Variants in MB21D2 observed in about 807,000 individuals in gnomAD.
MB21D2 encodes Mab-21 domain containing 2.
Under a neutral mutation model 33.3 loss-of-function variants are expected in MB21D2, and 9 were observed. The observed-to-expected ratio is 0.27, with a 90% CI of 0.16 to 0.47. The LOEUF is 0.47. Among genes scored for constraint, MB21D2 ranks in the 20% least tolerant of loss-of-function variants. The pLI is 0.99. For missense variants in MB21D2, 540 were observed against 624.6 expected (o/e 0.86, Z 1.44); for synonymous variants, 241 against 236.3 (o/e 1.02, Z -0.18).
intron 1 of MB21D2, among the ~76,000 whole-genome samples, chr3:192,828,633 TATATATATATATATATATATATATATATA>T (rs1712241002): frequency 1.1e-4 from 4 of 37,114 alleles, no homozygotes; most frequent in Admixed American, 5.0e-4. Context: ...TATATATATA[TATATATATATATATATATATATATATATA>T]TTTTGAGACG....
chr3:192,899,116 T>C (rs184559246), intron 1 of MB21D2, among the ~76,000 whole-genome samples: 2 of 152,322 alleles, frequency 1.3e-5, no homozygotes, highest in Admixed American at 6.5e-5. Flanking sequence ...GTACCTCACA[T>C]GGTGCCTATC....
At chr3:192,839,438 T>TA (rs1367891885) in intron 1 of MB21D2, among the ~76,000 whole-genome samples, 2 of 152,186 alleles carry the variant, frequency 1.3e-5, no homozygotes, top group African/African-American at 4.8e-5. Flanking sequence ...AAAATGTACT[T>TA]AAACAAGTGC....
chr3:192,885,064 A>G (rs1185481679), intron 1 of MB21D2, among the ~76,000 whole-genome samples: 3 of 152,108 alleles, frequency 2.0e-5, no homozygotes, highest in Non-Finnish European at 4.4e-5. Context: ...AAATATGACT[A>G]AGAGGACAAA....
At chr3:192,843,661 C>T (rs1305942864) in intron 1 of MB21D2, among the ~76,000 whole-genome samples, 1 of 152,158 alleles carries the variant, frequency 6.6e-6, no homozygotes, top group Non-Finnish European at 1.5e-5. Flanking sequence ...GAGAGAGTCC[C>T]TCTCCGCCCT....
chr3:192,879,134 A>G lies in MB21D2; in HGVS notation c.211+38496T>C, dbSNP rs73064227. Among the ~76,000 whole-genome samples, 587 of 152,344 alleles carry G rather than the reference A, an allele frequency of 3.9e-3. 5 individuals are homozygous for G. The highest frequency in any genetic ancestry group is 0.013 in the African/African-American group (558 of 41,584). On this transcript the variant is annotated intron_variant, in intron 1 of 1. Transcript: ENST00000392452. ...TTCACACTGATTCTAAAATCCACACATCAGGGGCTGGCTAAGGCTCAAGGT... is the reference window on the plus strand; with the variant it reads ...TTCACACTGATTCTAAAATCCACACGTCAGGGGCTGGCTAAGGCTCAAGGT...
intron 1 of MB21D2, among the ~76,000 whole-genome samples, chr3:192,884,608 C>T (rs918072497): frequency 2.0e-5 from 3 of 152,046 alleles, no homozygotes; most frequent in African/African-American, 4.8e-5. Context: ...ACCTCGTGAT[C>T]TGCCCGCCTT....
chr3:192,801,947 C>T (rs764321917), intron 1 of MB21D2, among the ~76,000 whole-genome samples: 5 of 152,086 alleles, frequency 3.3e-5, no homozygotes, highest in Non-Finnish European at 5.9e-5. Flanking sequence ...TTTTTAAAAC[C>T]GTAAGTTAGC....
chr3:192,837,032 TATGGCCATA>T (rs1195543201), intron 1 of MB21D2, among the ~76,000 whole-genome samples: 6 of 152,070 alleles, frequency 3.9e-5, no homozygotes, highest in Admixed American at 3.9e-4. Flanking sequence ...ATACCCAGGG[TATGGCCATA>T]ATGCTTGAAG....
At chr3:192,869,992 C>T (rs777908277) in intron 1 of MB21D2, among the ~76,000 whole-genome samples, 2 of 152,184 alleles carry the variant, frequency 1.3e-5, no homozygotes, top group Admixed American at 1.3e-4. Flanking sequence ...ATGGATGATG[C>T]TTAAGTGTGG....
intron 1 of MB21D2, among the ~76,000 whole-genome samples, chr3:192,888,658 T>A (rs1713784557): frequency 6.6e-6 from 1 of 152,132 alleles, no homozygotes; most frequent in East Asian, 1.9e-4. Flanking sequence ...TACCATATGA[T>A]CATACAGCTC....
chr3:192,842,768 A>G (rs1340147500), intron 1 of MB21D2, among the ~76,000 whole-genome samples: 3 of 152,222 alleles, frequency 2.0e-5, no homozygotes, highest in African/African-American at 7.2e-5. Context: ...AGGAACATTC[A>G]GATCCAGGGA....
intron 1 of MB21D2, among the ~76,000 whole-genome samples, chr3:192,888,829 C>T (rs1212344629): frequency 1.3e-5 from 2 of 152,058 alleles, no homozygotes; most frequent in African/African-American, 4.8e-5. Flanking sequence ...TAGCTTCTTT[C>T]AGCAGAATGA....
At chr3:192,820,717 G>T (rs377731505) in intron 1 of MB21D2, among the ~76,000 whole-genome samples, 2 of 152,196 alleles carry the variant, frequency 1.3e-5, no homozygotes, top group Admixed American at 6.5e-5. Flanking sequence ...AGCATCTGGA[G>T]GTACAACTTC....
rs923208950 is a variant in MB21D2 at position 192,809,221 on chromosome 3, G to A, written c.212-9571C>T. ...AGCAATTCTCCTGTCTCAGCCTCCC[G>A]AGTAGCTGGAACTACAGGCACGCAT... On this transcript the variant is annotated intron_variant, in intron 1 of 1. Coordinates refer to ENST00000392452, the MANE Select transcript of MB21D2 (RefSeq NM_178496.4). 7.2e-5 allele frequency among the ~76,000 whole-genome samples: 11 copies of A among 152,022 alleles called. No individual in the cohort carries two copies. The East Asian group carries it at 1.7e-3, about 24-fold the overall frequency.
chr3:192,883,287 G>A lies in MB21D2; in HGVS notation c.211+34343C>T, dbSNP rs1275600495. On this transcript the variant is annotated intron_variant, in intron 1 of 1. Coordinates refer to ENST00000392452, the MANE Select transcript of MB21D2 (RefSeq NM_178496.4). ...GCTTCCTACTGGTTCCCTCATTAAC[G>A]AGTTAAATACATCTTTGCCATGTAC... is the stretch of plus-strand genomic sequence containing the variant. Among the ~76,000 whole-genome samples the A allele has an allele frequency of 3.9e-5, 6 of 151,982 alleles. No individual in the cohort carries two copies. The South Asian group carries it at 6.2e-4, about 16-fold the overall frequency.
At chr3:192,830,920 C>T (rs1313269808) in intron 1 of MB21D2, among the ~76,000 whole-genome samples, 2 of 152,144 alleles carry the variant, frequency 1.3e-5, no homozygotes, top group Non-Finnish European at 2.9e-5. Context: ...AAGAACCGAC[C>T]TATGGGTATG....
At chr3:192,874,039 T>G (rs1477981507) in intron 1 of MB21D2, among the ~76,000 whole-genome samples, 2 of 152,170 alleles carry the variant, frequency 1.3e-5, no homozygotes, top group African/African-American at 4.8e-5. Flanking sequence ...GAAAGTACTT[T>G]TAAAAATGTC....
rs7623181 is a variant in MB21D2 at position 192,884,435 on chromosome 3, A to T, written c.211+33195T>A. ...AGGCTGGAGTGCAGTGGCGCGATCTAGGCTCACTGCAAGCTCCGCCTCCCG... is the reference window on the plus strand; with the variant it reads ...AGGCTGGAGTGCAGTGGCGCGATCTTGGCTCACTGCAAGCTCCGCCTCCCG... On this transcript the variant is annotated intron_variant, in intron 1 of 1. Coordinates refer to ENST00000392452, the MANE Select transcript of MB21D2 (RefSeq NM_178496.4). 3.5e-3 allele frequency among the ~76,000 whole-genome samples: 523 copies of T among 151,346 alleles called. 4 individuals carry two copies. Among genetic ancestry groups the T allele is most frequent in the Non-Finnish European group, 4.7e-3 (319 of 67,836 alleles).
intron 1 of MB21D2, among the ~76,000 whole-genome samples, chr3:192,812,573 A>T (rs774316681): frequency 6.6e-6 from 1 of 152,314 alleles, no homozygotes; most frequent in South Asian, 2.1e-4. Flanking sequence ...ATTGTGAGAC[A>T]TGATGAAAGA....
Sources: gnomAD v4.1 joint callset for allele counts (sites outside exome capture counted in the v4.1 genomes callset) on GRCh38, gnomAD v4.1.1 for gene constraint, MANE v1.5 for transcripts, NCBI Gene and HGNC (gene_info 2026-07-23, HGNC 2026-07-21) for gene names.